CPS1: variants seen among roughly 807,000 people sequenced by gnomAD.
CPS1 encodes the protein carbamoyl-phosphate synthase [ammonia], mitochondrial.
A neutral mutation model predicts 174.6 loss-of-function variants in CPS1; 109 were observed. The ratio of observed to expected loss-of-function variants is 0.62; its 90% CI spans 0.53 to 0.73. The LOEUF (loss-of-function observed/expected upper bound fraction) is 0.73, where lower values mean the gene tolerates loss of function less well. Ranked by LOEUF, CPS1 falls within the 30% of genes least tolerant of loss-of-function variation. The pLI, the probability that CPS1 is intolerant of heterozygous loss-of-function variation, is 0.00. For missense variants in CPS1, 1,689 were observed against 1,821.9 expected, an observed-to-expected ratio of 0.93 and a Z score of 1.33; for synonymous variants, 637 against 632.0, an observed-to-expected ratio of 1.01 and a Z score of -0.12.
At chr2:210,623,265 A>C (rs2105876820) in intron 21 of CPS1, among the ~76,000 whole-genome samples, 1 of 152,270 alleles carries the variant, frequency 6.6e-6, no homozygotes, top group Admixed American at 6.5e-5. Flanking sequence ...TTACACGTTC[A>C]AAAGTAGGAG....
chr2:210,547,128 AATTTACATATGT>A (rs1696585151), intron 1 of CPS1, among the ~76,000 whole-genome samples: 1 of 152,152 alleles, frequency 6.6e-6, no homozygotes. Flanking sequence ...TGAGCCAAAG[AATTTACATATGT>A]ATGAGCCAAG....
intron 1 of CPS1, among the ~76,000 whole-genome samples, chr2:210,563,641 T>C (rs1217958603): frequency 1.3e-5 from 2 of 152,228 alleles, no homozygotes; most frequent in African/African-American, 4.8e-5. Flanking sequence ...TAGTTCAGAA[T>C]GCTGATGGGT....
intron 21 of CPS1, among the ~76,000 whole-genome samples, chr2:210,617,351 ACGT>A (rs1002229748): frequency 1.2e-4 from 19 of 152,146 alleles, no homozygotes; most frequent in Middle Eastern, 3.4e-3. Flanking sequence ...TATTGGAAAG[ACGT>A]CTTACCTGCA....
chr2:210,583,823 T>C (rs1559088615), intron 6 of CPS1, among the ~76,000 whole-genome samples: 1 of 152,016 alleles, frequency 6.6e-6, no homozygotes, highest in Admixed American at 6.6e-5. Context: ...TGGAGCAAAG[T>C]AAAGCTGAAT....
intron 21 of CPS1, among the ~76,000 whole-genome samples, chr2:210,631,809 G>A (rs536144012): frequency 3.2e-4 from 48 of 152,284 alleles, no homozygotes; most frequent in African/African-American, 1.1e-3. Flanking sequence ...ACACAGTTCT[G>A]AAATATGGAT....
intron 17 of CPS1, among the ~76,000 whole-genome samples, chr2:210,605,984 G>A (rs1382697208): frequency 6.6e-6 from 1 of 151,874 alleles, no homozygotes; most frequent in African/African-American, 2.4e-5. Context: ...GGAAAATCAG[G>A]TAGTACTGTA....
chr2:210,488,800 C>A (rs1029048081), intron 1 of CPS1, among the ~76,000 whole-genome samples: 2 of 152,062 alleles, frequency 1.3e-5, no homozygotes, highest in African/African-American at 4.8e-5. Context: ...TTCCTTCATT[C>A]CTTCTACTTT....
chr2:210,677,764 T>C, intron 37 of CPS1, 123 bp from the exon 38 acceptor site: 1 of 823,834 alleles, frequency 1.2e-6, no homozygotes, highest in Non-Finnish European at 2.2e-6. Flanking sequence ...TAAAAAACTT[T>C]TATGCCTTTT....
chr2:210,527,362 T>C (rs932838425), intron 1 of CPS1, among the ~76,000 whole-genome samples: 17 of 151,854 alleles, frequency 1.1e-4, no homozygotes, highest in African/African-American at 4.1e-4. Context: ...AAACATGAGA[T>C]CTTTAGATCT....
chr2:210,665,489 C>T (rs1285296875), intron 33 of CPS1, among the ~76,000 whole-genome samples: 4 of 142,140 alleles, frequency 2.8e-5, no homozygotes, highest in Non-Finnish European at 6.1e-5. Flanking sequence ...CCCCACTCCA[C>T]AACAGTCCCC....
upstream of CPS1, among the ~76,000 whole-genome samples, chr2:210,556,136 A>G (rs1696905824): frequency 6.6e-6 from 1 of 152,038 alleles, no homozygotes; most frequent in Non-Finnish European, 1.5e-5. Context: ...TTTGTGGAGA[A>G]AAGTTTATTC....
At chr2:210,501,668 C>G (rs1358748715) in intron 1 of CPS1, among the ~76,000 whole-genome samples, 1 of 152,138 alleles carries the variant, frequency 6.6e-6, no homozygotes. Flanking sequence ...TATCTGAGAC[C>G]ATCTCAGCCT....
chr2:210,615,015 C>A (rs978340431), intron 20 of CPS1, among the ~76,000 whole-genome samples: 1 of 151,418 alleles, frequency 6.6e-6, no homozygotes, highest in African/African-American at 2.4e-5. Context: ...CACATGTATC[C>A]CAGAACTTAA....
At chr2:210,612,858 C>G (rs1699176753) in intron 20 of CPS1, among the ~76,000 whole-genome samples, 1 of 151,946 alleles carries the variant, frequency 6.6e-6, no homozygotes, top group East Asian at 1.9e-4. Context: ...CCCTACATTT[C>G]TCACTTCCCT....
chr2:210,527,132 C>T (rs1050209744), intron 1 of CPS1, among the ~76,000 whole-genome samples: 1 of 151,474 alleles, frequency 6.6e-6, no homozygotes. Context: ...CTTTCCTTTC[C>T]TTTAATAATA....
At chr2:210,649,005 T>C (rs1252701547) in intron 27 of CPS1, among the ~76,000 whole-genome samples, 1 of 152,156 alleles carries the variant, frequency 6.6e-6, no homozygotes, top group African/African-American at 2.4e-5. Context: ...ACAGGAACAG[T>C]GAGGATCTTT....
intron 13 of CPS1, among the ~76,000 whole-genome samples, chr2:210,595,981 C>T (rs768223988): frequency 6.6e-6 from 1 of 151,804 alleles, no homozygotes; most frequent in Non-Finnish European, 1.5e-5. Context: ...ATGCTTCGGG[C>T]ATCTCTGTGG....
At chr2:210,638,687 C>A (rs1700114082) in intron 22 of CPS1, among the ~76,000 whole-genome samples, 1 of 152,164 alleles carries the variant, frequency 6.6e-6, no homozygotes, top group Admixed American at 6.5e-5. Flanking sequence ...CTTGTTCTCC[C>A]CCCGTTCATC....
At chr2:210,520,567 A>G (rs1363003485) in intron 1 of CPS1, among the ~76,000 whole-genome samples, 2 of 151,974 alleles carry the variant, frequency 1.3e-5, no homozygotes, top group Non-Finnish European at 2.9e-5. Context: ...TGCACACTCA[A>G]TATTTCTTAA....
Sources: gnomAD v4.1 joint callset for allele counts (sites outside exome capture counted in the v4.1 genomes callset) on GRCh38, gnomAD v4.1.1 for gene constraint, MANE v1.5 for transcripts, NCBI Gene and HGNC (gene_info 2026-07-23, HGNC 2026-07-21) for gene names.